Variants in INPP4B observed in about 807,000 individuals in gnomAD.
The protein encoded by INPP4B is inositol polyphosphate-4-phosphatase type II B.
Under a neutral mutation model 122.5 loss-of-function variants are expected in INPP4B, and 55 were observed. That is an observed-to-expected ratio of 0.45 (90% CI 0.36 to 0.56). INPP4B has a LOEUF of 0.56. INPP4B is among the 20% of genes least tolerant of loss of function. The pLI, the probability that INPP4B is intolerant of heterozygous loss-of-function variation, is 0.00. For synonymous variants in INPP4B, 403 were observed against 388.7 expected, an observed-to-expected ratio of 1.04 and a Z score of -0.43; for missense variants, 1,000 against 1,097.7, an observed-to-expected ratio of 0.91 and a Z score of 1.26.
chr4:142,735,606 C>T (rs950581335), intron 1 of INPP4B, among the ~76,000 whole-genome samples: 2 of 152,128 alleles, frequency 1.3e-5, no homozygotes, highest in Non-Finnish European at 2.9e-5. Context: ...GATTTGAAGG[C>T]AGGGAGCTGC....
chr4:142,758,138 T>C (rs901810890), intron 1 of INPP4B, among the ~76,000 whole-genome samples: 2 of 152,136 alleles, frequency 1.3e-5, no homozygotes, highest in African/African-American at 4.8e-5. Context: ...AAAATTGAAG[T>C]GCAGCCGAAG....
chr4:142,785,905 A>T lies in INPP4B; in HGVS notation c.-253-60004T>A, dbSNP rs1192568785. Among the ~76,000 whole-genome samples, 3 of 152,102 alleles carry T rather than the reference A, an allele frequency of 2.0e-5. No individual in the cohort carries two copies. The South Asian group carries it at 6.2e-4, about 31-fold the overall frequency. ...CAAAATAAAACCAAAGACAGAAATT[A>T]CTGGAAGAAGCCAGGGGGGTTGGAG... On this transcript the variant is annotated intron_variant, in intron 1 of 25. Transcript: ENST00000262992.
At chr4:142,203,172 G>A (rs1012357373) in intron 14 of INPP4B, among the ~76,000 whole-genome samples, 4 of 151,988 alleles carry the variant, frequency 2.6e-5, no homozygotes, top group South Asian at 2.1e-4. Flanking sequence ...TATCTAAAGG[G>A]ACCAGGCTCA....
chr4:142,815,319 C>T (rs1002380142), intron 1 of INPP4B, among the ~76,000 whole-genome samples: 1 of 152,080 alleles, frequency 6.6e-6, no homozygotes, highest in African/African-American at 2.4e-5. Context: ...AAAGGATAAG[C>T]TGTAGTTAAT....
intron 2 of INPP4B, among the ~76,000 whole-genome samples, chr4:142,618,517 A>G (rs927053666): frequency 1.4e-4 from 21 of 152,098 alleles, no homozygotes; most frequent in African/African-American, 5.1e-4. Flanking sequence ...GCACTGGGGA[A>G]ACTAGATACC....
chr4:142,516,884 C>T (rs971938839), intron 2 of INPP4B, among the ~76,000 whole-genome samples: 1 of 152,064 alleles, frequency 6.6e-6, no homozygotes, highest in African/African-American at 2.4e-5. Flanking sequence ...CTTCCTCTGC[C>T]CCTAATCACC....
chr4:142,474,233 A>C (rs1028748539), intron 2 of INPP4B: 1 of 152,118 alleles, frequency 6.6e-6, no homozygotes, highest in Non-Finnish European at 1.5e-5. Flanking sequence ...TACCTGCCAG[A>C]GCTTCCAGTC....
Position 142,403,039 on chromosome 4 carries a change from G to C in INPP4B, c.271C>G (p.Leu91Val). 3 of 1,605,896 alleles carry C rather than the reference G, an allele frequency of 1.9e-6. No homozygotes were observed. The highest frequency in any genetic ancestry group is 2.6e-6 in the Non-Finnish European group (3 of 1,172,510). Residue 91 changes from leucine to valine, a missense_variant, in exon 7 of 26, where the codon CTG (leucine) becomes GTG (valine). By Grantham distance (32) the Leu-to-Val change is conservative (BLOSUM62 1). Coordinates refer to ENST00000262992, the MANE Select transcript of INPP4B (RefSeq NM_001101669.3). ...TEIVEGTRDP[L>V]FLTGVTFPSE... Reference sequence around the variant, plus strand: ...GGGAATGTGACACCAGTCAAAAACAGTGGGTCCCTTGTTCCCTGTAACAGC... The same window carrying C: ...GGGAATGTGACACCAGTCAAAAACACTGGGTCCCTTGTTCCCTGTAACAGC...
At position 142,348,393 on chromosome 4, in the gene INPP4B, A is replaced by G. The variant is rs141386329; in HGVS notation, c.373-33631T>C. ...TTGTTTAAGGAAAATATTTTTTTCC[A>G]GAATATTTTACCTTAAACAGAGAAG... On this transcript the variant is annotated intron_variant, in intron 7 of 25. Transcript: ENST00000262992. 5.8e-3 allele frequency among the ~76,000 whole-genome samples: 889 copies of G among 152,142 alleles called. 9 individuals carry two copies. The highest frequency in any genetic ancestry group is 0.02 in the African/African-American group (833 of 41,544).
intron 25 of INPP4B, among the ~76,000 whole-genome samples, chr4:142,078,055 G>C (rs1400327559): frequency 6.6e-6 from 1 of 151,780 alleles, no homozygotes; most frequent in East Asian, 1.9e-4. Flanking sequence ...GATCCTTAGA[G>C]AGTCAGATCA....
intron 22 of INPP4B, 75 bp downstream of exon 22, chr4:142,112,467 T>A: frequency 1.4e-6 from 2 of 1,415,948 alleles, no homozygotes; most frequent in Middle Eastern, 2.1e-4. Flanking sequence ...TACATGCAGA[T>A]ACATGGGACT....
At position 142,806,990 on chromosome 4, in the gene INPP4B, C is replaced by T. The variant is rs551231838; in HGVS notation, c.-254+39219G>A. 3.2e-4 allele frequency among the ~76,000 whole-genome samples: 48 copies of T among 152,108 alleles called. 1 individual carries two copies. Among genetic ancestry groups the T allele is most frequent in the Middle Eastern group, 3.4e-3 (1 of 294 alleles). ...ATGTCTGCCCCTCAACATGTTCATCCGACAAAAAATCATATTTGATGCTTT... is the reference window on the plus strand; with the variant it reads ...ATGTCTGCCCCTCAACATGTTCATCTGACAAAAAATCATATTTGATGCTTT... On this transcript the variant is annotated intron_variant, in intron 1 of 25. Transcript: ENST00000262992.
At chr4:142,325,033 G>A (rs17015922) in intron 7 of INPP4B, among the ~76,000 whole-genome samples, 3,927 of 152,232 alleles carry the variant, frequency 0.026, 175 homozygotes, top group African/African-American at 0.09. Context: ...CATGGCTCCC[G>A]ATAGCTCAGC....
chr4:142,651,323 G>A (rs1355991805), intron 2 of INPP4B, among the ~76,000 whole-genome samples: 1 of 152,048 alleles, frequency 6.6e-6, no homozygotes. Flanking sequence ...AGAGAAGCAA[G>A]AGCAAACAAA....
chr4:142,699,786 T>C (rs1761482485), intron 2 of INPP4B, among the ~76,000 whole-genome samples: 1 of 152,172 alleles, frequency 6.6e-6, no homozygotes, highest in East Asian at 1.9e-4. Flanking sequence ...TAGACCCTTT[T>C]AACAACCTCA....
At chr4:142,499,201 TA>T (rs1823033104) in intron 2 of INPP4B, among the ~76,000 whole-genome samples, 1 of 152,188 alleles carries the variant, frequency 6.6e-6, no homozygotes, top group Admixed American at 6.6e-5. Context: ...TTTTTCTATC[TA>T]GGGAGCTGAA....
chr4:142,082,054 G>C lies in INPP4B; in HGVS notation c.2619C>G (p.Ile873Met), dbSNP rs1774179529. 3 of 1,471,114 alleles carry C rather than the reference G, an allele frequency of 2.0e-6. No homozygotes were observed. Among genetic ancestry groups the C allele is most frequent in the Non-Finnish European group, 2.8e-6 (3 of 1,086,322 alleles). 91.1% of individuals were successfully genotyped at this position (1,471,114 alleles called of 1,614,324 possible). Residue 873 changes from isoleucine (I) to methionine (M), a missense_variant, in exon 25 of 26, where the codon ATC (isoleucine) becomes ATG (methionine). Ile to Met is a conservative substitution (Grantham distance 10). Transcript: ENST00000262992. ...DEHQLHKDFF[I>M]RALDCMRREG... The stretch of plus-strand genomic sequence containing the variant: ...ACCTTCTCATGCAATCCAGCGCTCG[G>C]ATAAAGAAGTCCTTGTGTAACTGGT...
chr4:142,593,856 T>A (rs1317304873), intron 2 of INPP4B, among the ~76,000 whole-genome samples: 4 of 151,930 alleles, frequency 2.6e-5, no homozygotes, highest in African/African-American at 7.3e-5. Context: ...TATTTCAGAA[T>A]GTTCTCAGCA....
At chr4:142,741,968 G>A (rs1041453233) in intron 1 of INPP4B, among the ~76,000 whole-genome samples, 4 of 151,794 alleles carry the variant, frequency 2.6e-5, no homozygotes, top group African/African-American at 9.7e-5. Flanking sequence ...TTAAATATTT[G>A]GGTTCAGGAA....
Sources: gnomAD v4.1 joint callset for allele counts (sites outside exome capture counted in the v4.1 genomes callset) on GRCh38, gnomAD v4.1.1 for gene constraint, MANE v1.5 for transcripts, NCBI Gene and HGNC (gene_info 2026-07-23, HGNC 2026-07-21) for gene names.